Variants in TMEM108 observed in about 807,000 individuals in gnomAD.
The protein encoded by TMEM108 is cancer/testis antigen 124.
In TMEM108, 12 loss-of-function variants were observed where a neutral mutation model predicts 35.1. That is an observed-to-expected ratio of 0.34 (90% CI 0.22 to 0.55). TMEM108 has a LOEUF of 0.55. Ranked by LOEUF, TMEM108 falls within the 20% of genes least tolerant of loss-of-function variation. TMEM108 has a pLI of 0.89. For synonymous variants in TMEM108, 287 were observed against 308.6 expected (o/e 0.93, Z 0.73); for missense variants, 680 against 753.3 (o/e 0.90, Z 1.14).
intron 3 of TMEM108, among the ~76,000 whole-genome samples, chr3:133,359,938 G>T (rs2072292397): frequency 6.8e-6 from 1 of 148,080 alleles, no homozygotes; most frequent in African/African-American, 2.5e-5. Context: ...AAACAATTCA[G>T]CTGTTTATCA....
intron 5 of TMEM108, among the ~76,000 whole-genome samples, chr3:133,395,032 C>T (rs1186681560): frequency 6.6e-6 from 1 of 152,080 alleles, no homozygotes; most frequent in Non-Finnish European, 1.5e-5. Flanking sequence ...TAATTAGTAC[C>T]AGGGCCCAAA....
At chr3:133,155,614 G>A (rs1944869278) in intron 2 of TMEM108, among the ~76,000 whole-genome samples, 1 of 152,066 alleles carries the variant, frequency 6.6e-6, no homozygotes, top group Non-Finnish European at 1.5e-5. Flanking sequence ...CAGTGATATT[G>A]AGCATTTCTT....
At chr3:133,096,554 A>T (rs1054351659) in intron 2 of TMEM108, among the ~76,000 whole-genome samples, 3 of 152,178 alleles carry the variant, frequency 2.0e-5, no homozygotes, top group Non-Finnish European at 2.9e-5. Flanking sequence ...TTCAGATTAT[A>T]TGCTGAATGG....
chr3:133,116,689 C>G (rs181238066), intron 2 of TMEM108, among the ~76,000 whole-genome samples: 10 of 152,280 alleles, frequency 6.6e-5, no homozygotes, highest in African/African-American at 2.4e-4. Context: ...ACTTATTTTG[C>G]CAAGCGCTCT....
At chr3:133,261,132 C>G (rs1387669322) in intron 3 of TMEM108, among the ~76,000 whole-genome samples, 1 of 152,180 alleles carries the variant, frequency 6.6e-6, no homozygotes, top group Non-Finnish European at 1.5e-5. Flanking sequence ...AAACTAGGGC[C>G]ATCTCTGGAA....
At chr3:133,376,497 T>C (rs1576524189) in intron 3 of TMEM108, among the ~76,000 whole-genome samples, 3 of 152,208 alleles carry the variant, frequency 2.0e-5, no homozygotes, top group African/African-American at 7.2e-5. Context: ...AGGCAGAACC[T>C]GACAGCCCTA....
At chr3:133,261,909 G>T (rs16840130) in intron 3 of TMEM108, among the ~76,000 whole-genome samples, 1,543 of 152,308 alleles carry the variant, frequency 0.01, 23 homozygotes, top group African/African-American at 0.034. Context: ...TTGTGGTTCA[G>T]TTGTCAGCTA....
intron 2 of TMEM108, among the ~76,000 whole-genome samples, chr3:133,104,738 T>G (rs1944128570): frequency 6.6e-6 from 1 of 152,176 alleles, no homozygotes; most frequent in South Asian, 2.1e-4. Context: ...TGGGGAAAAC[T>G]CTCAGTGTTC....
At chr3:133,145,230 C>T (rs931776177) in intron 2 of TMEM108, among the ~76,000 whole-genome samples, 3 of 152,118 alleles carry the variant, frequency 2.0e-5, no homozygotes, top group Admixed American at 6.6e-5. Context: ...AATCCTTTCC[C>T]CATTTCTTGT....
intron 3 of TMEM108, among the ~76,000 whole-genome samples, chr3:133,302,944 G>C (rs920113486): frequency 6.6e-6 from 1 of 152,062 alleles, no homozygotes; most frequent in Non-Finnish European, 1.5e-5. Context: ...CTGAAGTTAG[G>C]TTGCAGATCA....
At chr3:133,171,700 G>A (rs1945133097) in intron 2 of TMEM108, among the ~76,000 whole-genome samples, 1 of 152,170 alleles carries the variant, frequency 6.6e-6, no homozygotes. Flanking sequence ...AAAAGGATTT[G>A]AGAAGCACTG....
intron 3 of TMEM108, among the ~76,000 whole-genome samples, chr3:133,327,019 A>C (rs1020195915): frequency 6.6e-6 from 1 of 152,202 alleles, no homozygotes; most frequent in African/African-American, 2.4e-5. Flanking sequence ...CCTTTCAGGT[A>C]CAGCTTTTCA....
intron 2 of TMEM108, among the ~76,000 whole-genome samples, chr3:133,118,202 G>GAA (rs1944311147): frequency 5.3e-5 from 8 of 152,074 alleles, no homozygotes; most frequent in Admixed American, 5.2e-4. Flanking sequence ...TAGGTTGTCT[G>GAA]GTTTCTGGGG....
chr3:133,179,883 CAA>C (rs35894338), intron 2 of TMEM108, among the ~76,000 whole-genome samples: 8 of 144,210 alleles, frequency 5.5e-5, no homozygotes, highest in South Asian at 2.2e-4. Flanking sequence ...CAAGCCTTAT[CAA>C]AAAAAAAAAT....
intron 2 of TMEM108, among the ~76,000 whole-genome samples, chr3:133,064,737 G>A (rs923283653): frequency 4.6e-5 from 7 of 150,828 alleles, no homozygotes; most frequent in African/African-American, 1.7e-4. Flanking sequence ...GGACAGTTAA[G>A]CACGTGATAG....
chr3:133,199,975 C>T (rs1945637506), intron 2 of TMEM108, among the ~76,000 whole-genome samples: 1 of 152,198 alleles, frequency 6.6e-6, no homozygotes, highest in Non-Finnish European at 1.5e-5. Flanking sequence ...GGCAGGCACC[C>T]CTACCCCAGC....
chr3:133,252,741 C>T (rs752735269), intron 3 of TMEM108, among the ~76,000 whole-genome samples: 6 of 152,046 alleles, frequency 3.9e-5, no homozygotes, highest in African/African-American at 7.2e-5. Flanking sequence ...TCTGAACCTC[C>T]GAACTTCTGA....
At chr3:133,090,231 A>T (rs955696654) in intron 2 of TMEM108, among the ~76,000 whole-genome samples, 9 of 152,200 alleles carry the variant, frequency 5.9e-5, no homozygotes, top group Admixed American at 4.6e-4. Flanking sequence ...CGAAACAAAA[A>T]ACTTCCCTGA....
At chr3:133,301,035 C>A (rs1439420714) in intron 3 of TMEM108, among the ~76,000 whole-genome samples, 1 of 123,110 alleles carries the variant, frequency 8.1e-6, no homozygotes, top group African/African-American at 3.0e-5. Flanking sequence ...CACACACACA[C>A]AAGTTCTACT....
Sources: gnomAD v4.1 joint callset for allele counts (sites outside exome capture counted in the v4.1 genomes callset) on GRCh38, gnomAD v4.1.1 for gene constraint, MANE v1.5 for transcripts, NCBI Gene and HGNC (gene_info 2026-07-23, HGNC 2026-07-21) for gene names.